Variants in TRPV4 observed in about 807,000 individuals in gnomAD.
TRPV4 encodes transient receptor potential cation channel subfamily V member 4, also known as OSM9-like transient receptor potential channel 4.
A neutral mutation model predicts 84.1 loss-of-function variants in TRPV4; 58 were observed. The observed-to-expected ratio is 0.69, with a 90% CI of 0.56 to 0.86. The LOEUF (loss-of-function observed/expected upper bound fraction) is 0.86, where lower values mean the gene tolerates loss of function less well. TRPV4 is among the 40% of genes least tolerant of loss of function. The pLI is 0.00. For missense variants in TRPV4, 879 were observed against 1,181.1 expected (o/e 0.74, Z 3.75); for synonymous variants, 489 against 500.9 (o/e 0.98, Z 0.32).
At chr12:109,809,618 C>T (rs898093809) in intron 2 of TRPV4, among the ~76,000 whole-genome samples, 1 of 149,474 alleles carries the variant, frequency 6.7e-6, no homozygotes, top group Non-Finnish European at 1.5e-5. Flanking sequence ...ATCCATCACT[C>T]GTCTATCCAT....
chr12:109,814,947 G>T lies in TRPV4; in HGVS notation c.-31-120C>A. On this transcript the variant is annotated intron_variant, in intron 1 of 15. Coordinates refer to ENST00000261740, the MANE Select transcript of TRPV4 (RefSeq NM_021625.5). The surrounding 1 kb of genome is among the most constrained non-coding windows in gnomAD (Gnocchi z 5.4). ...GCTGCTTCAAAGCCACCGTTGTAAT[G>T]ACAGGGGCACAGGGAGGCCACTCCC... 1 of 988,454 alleles carries T rather than the reference G, an allele frequency of 1.0e-6. No individual in the cohort carries two copies. Among genetic ancestry groups the T allele is most frequent in the Non-Finnish European group, 1.5e-6 (1 of 677,790 alleles). The allele number at this position is 988,454 out of a possible 1,614,324, so 61.2% of individuals were successfully genotyped here. A position where few individuals can be genotyped will look rare whatever the true frequency, so the allele number is the denominator to read the frequency against.
At chr12:109,825,731 C>T (rs893302911) in intron 1 of TRPV4, among the ~76,000 whole-genome samples, 4 of 152,186 alleles carry the variant, frequency 2.6e-5, no homozygotes, top group Non-Finnish European at 4.4e-5. Flanking sequence ...GCATACGTTC[C>T]TCTACCCCAC....
intron 2 of TRPV4, among the ~76,000 whole-genome samples, chr12:109,810,456 G>A (rs928316252): frequency 6.6e-6 from 1 of 152,178 alleles, no homozygotes; most frequent in Non-Finnish European, 1.5e-5. Flanking sequence ...CAGGTGGGAC[G>A]GGGTTGCAAG....
At chr12:109,805,780 A>G (rs1378829033) in intron 3 of TRPV4, among the ~76,000 whole-genome samples, 1 of 152,086 alleles carries the variant, frequency 6.6e-6, no homozygotes, top group Non-Finnish European at 1.5e-5. Context: ...TCAGAGACCC[A>G]CCTCCAAAGC....
chr12:109,785,373 CT>C (rs200230779), intron 14 of TRPV4, among the ~76,000 whole-genome samples: 126 of 148,972 alleles, frequency 8.5e-4, no homozygotes, highest in Middle Eastern at 3.5e-3. Flanking sequence ...TATATATTAT[CT>C]TTTTTTTTTA....
At chr12:109,801,885 G>C (rs1391243137) in intron 4 of TRPV4, among the ~76,000 whole-genome samples, 1 of 152,074 alleles carries the variant, frequency 6.6e-6, no homozygotes, top group Non-Finnish European at 1.5e-5. Context: ...CAGAATTTTG[G>C]ACTCAAGATA....
intron 5 of TRPV4, among the ~76,000 whole-genome samples, chr12:109,799,153 C>CT (rs1038182364): frequency 2.3e-3 from 322 of 137,862 alleles, no homozygotes; most frequent in African/African-American, 3.9e-3. Context: ...TGATGGAATT[C>CT]TTTTTTTTTT....
chr12:109,799,389 T>A (rs529200885), intron 5 of TRPV4, among the ~76,000 whole-genome samples: 22 of 152,310 alleles, frequency 1.4e-4, no homozygotes, highest in Non-Finnish European at 2.2e-4. Flanking sequence ...CCTCAAGTGA[T>A]CCGCCGACCT....
At position 109,808,334 on chromosome 12, in the gene TRPV4, A is replaced by G. The variant is rs1281056981; in HGVS notation, c.521T>C (p.Leu174Pro). The G allele has an allele frequency of 6.2e-7, 1 of 1,614,246 alleles. No individual in the cohort carries two copies. ...ADLDGLLPFL[L>P]THKKRLTDEE... is the part of the protein sequence containing the mutation. ...ATCAGTTAGGCGTTTCTTGTGGGTC[A>G]GCAAGAATGGGAGCAGCCCGTCCAG... Residue 174 changes from leucine (L) to proline (P), a missense_variant, in exon 3 of 16, where the codon CTG becomes CCG. Leu to Pro is a moderately conservative substitution (Grantham distance 98). Transcript: ENST00000261740.
intron 4 of TRPV4, among the ~76,000 whole-genome samples, 145 bp downstream of exon 4, chr12:109,802,838 GCATCCATC>G (rs111807515): frequency 7.9e-5 from 12 of 151,202 alleles, no homozygotes; most frequent in African/African-American, 2.9e-4. Flanking sequence ...ATGCATCCAT[GCATCCATC>G]CATCCATCCA....
intron 3 of TRPV4, 82 bp from the exon 4 acceptor site, chr12:109,803,225 G>A: frequency 6.5e-7 from 1 of 1,530,040 alleles, no homozygotes; most frequent in Non-Finnish European, 8.9e-7. Context: ...AGAACACTGG[G>A]TAGGGGGTCA....
In TRPV4 at chr12:109,793,482, C is replaced by T. The variant is rs774925241; in HGVS notation, c.1658+45G>A. 1 of 1,556,026 alleles carries T rather than the reference C, an allele frequency of 6.4e-7. No homozygotes were observed. The highest frequency in any genetic ancestry group is 2.2e-5 in the East Asian group (1 of 44,554). On this transcript the variant is annotated intron_variant, in intron 10 of 15. Coordinates refer to ENST00000261740, the MANE Select transcript of TRPV4 (RefSeq NM_021625.5). This position sits in a 1 kb window ranked among gnomAD's most constrained non-coding sequence, Gnocchi z 4.0. Reference sequence around the variant, plus strand: ...TCTGGACGACCTAGCAGCCCAAACCCACCTTCCTCACCCAGAAGCTGCCGG... The same window carrying T: ...TCTGGACGACCTAGCAGCCCAAACCTACCTTCCTCACCCAGAAGCTGCCGG...
At chr12:109,832,804 AC>A (rs1892449929) in intron 1 of TRPV4, 1 of 19,794 alleles carries the variant, frequency 5.1e-5, no homozygotes, top group African/African-American at 2.0e-4. Context: ...CCCGCTACCC[AC>A]CCCCAGGAGC....
chr12:109,792,314 C>T, intron 12 of TRPV4, 49 bp downstream of exon 12: 1 of 1,547,912 alleles, frequency 6.5e-7, no homozygotes. Flanking sequence ...GCTACTGTTC[C>T]CGTCCTTGCA....
At chr12:109,789,250 A>G (rs1298924224) in intron 12 of TRPV4, among the ~76,000 whole-genome samples, 1 of 152,146 alleles carries the variant, frequency 6.6e-6, no homozygotes, top group East Asian at 1.9e-4. Flanking sequence ...TGCTACTGGC[A>G]TCAGGTGGGT....
chr12:109,784,707 G>A (rs1297776058), intron 14 of TRPV4, among the ~76,000 whole-genome samples: 1 of 151,772 alleles, frequency 6.6e-6, no homozygotes, highest in East Asian at 1.9e-4. Context: ...AGCGGGGCAT[G>A]GTGGCGGGTG....
rs1592864565 is a variant in TRPV4, at chr12:109,814,981, T to C, written c.-31-154A>G. On this transcript the variant is annotated intron_variant, in intron 1 of 15. Transcript: ENST00000261740. The surrounding 1 kb of genome is among the most constrained non-coding windows in gnomAD (Gnocchi z 5.4). The stretch of plus-strand genomic sequence containing the variant: ...ACAGGGAGGCCACTCCCAGATGTGG[T>C]TGGCCGCCAGCCTCAGGCGGGAACT... 4 of 707,096 alleles carry C rather than the reference T, an allele frequency of 5.7e-6. No homozygotes were observed. Among genetic ancestry groups the C allele is most frequent in the Middle Eastern group, 4.1e-4 (1 of 2,456 alleles). 43.8% of individuals were successfully genotyped at this position (707,096 alleles called of 1,614,324 possible).
intron 7 of TRPV4, among the ~76,000 whole-genome samples, chr12:109,794,795 A>G (rs968427385): frequency 2.6e-5 from 4 of 152,184 alleles, no homozygotes; most frequent in African/African-American, 9.7e-5. Flanking sequence ...AGACAGGCGG[A>G]TCACCTAAGG....
At chr12:109,806,543 C>G (rs1891142469) in intron 3 of TRPV4, among the ~76,000 whole-genome samples, 1 of 151,476 alleles carries the variant, frequency 6.6e-6, no homozygotes, top group East Asian at 2.0e-4. Context: ...GATACTGCAT[C>G]GTATTGTTTC....
Sources: allele counts gnomAD v4.1 joint callset (sites outside exome capture counted in the v4.1 genomes callset), GRCh38; gene constraint gnomAD v4.1.1; non-coding constraint Gnocchi (gnomAD v3.1); transcripts MANE v1.5; gene names NCBI Gene and HGNC (gene_info 2026-07-23, HGNC 2026-07-21).